SUGCT: variants seen among roughly 807,000 people sequenced by gnomAD.
The protein encoded by SUGCT is succinyl-CoA:glutarate-CoA transferase, also known as succinyl-CoA:glutarate CoA-transferase.
A neutral mutation model predicts 55.0 loss-of-function variants in SUGCT; 41 were observed. The ratio of observed to expected loss-of-function variants is 0.74; its 90% CI spans 0.58 to 0.97. The LOEUF is 0.97. SUGCT is among the 50% of genes least tolerant of loss of function. The pLI is 0.00. For missense variants in SUGCT, 568 were observed against 547.8 expected, an observed-to-expected ratio of 1.04 and a Z score of -0.37; for synonymous variants, 187 against 200.4, an observed-to-expected ratio of 0.93 and a Z score of 0.56.
At chr7:40,151,233 C>T (rs1325918463) in intron 1 of SUGCT, among the ~76,000 whole-genome samples, 2 of 152,104 alleles carry the variant, frequency 1.3e-5, no homozygotes, top group African/African-American at 2.4e-5. Context: ...AGTGAGACTC[C>T]GTCTCTAAAA....
intron 9 of SUGCT, among the ~76,000 whole-genome samples, chr7:40,328,265 T>G (rs1221936761): frequency 6.6e-6 from 1 of 152,206 alleles, no homozygotes; most frequent in Non-Finnish European, 1.5e-5. Flanking sequence ...TTTGAATAAA[T>G]CCTTTGGTCG....
At chr7:40,902,765 T>C in the SUGCT span, among the ~76,000 whole-genome samples, 2 of 152,158 alleles carry the variant, frequency 1.3e-5, no homozygotes, top group African/African-American at 4.8e-5. Context: ...TCTGTAAGTC[T>C]AAGCCAGGAC....
intron 12 of SUGCT, among the ~76,000 whole-genome samples, chr7:40,616,392 T>C (rs1363498289): frequency 6.6e-6 from 1 of 151,970 alleles, no homozygotes; most frequent in African/African-American, 2.4e-5. Context: ...GACGGGGTTT[T>C]GCCATGTTGG....
intron 9 of SUGCT, among the ~76,000 whole-genome samples, chr7:40,418,868 A>G (rs1485043075): frequency 6.6e-6 from 1 of 152,210 alleles, no homozygotes; most frequent in Non-Finnish European, 1.5e-5. Flanking sequence ...TAGTGAAAAT[A>G]AGTAAAAATG....
At chr7:40,385,179 C>A (rs1412801192) in intron 9 of SUGCT, among the ~76,000 whole-genome samples, 2 of 152,022 alleles carry the variant, frequency 1.3e-5, no homozygotes, top group Admixed American at 1.3e-4. Flanking sequence ...CATATGAATT[C>A]TAAAATTAAT....
chr7:40,786,442 C>T (rs7807596), intron 13 of SUGCT, among the ~76,000 whole-genome samples: 52,414 of 151,984 alleles, frequency 0.34, 9,220 homozygotes, highest in South Asian at 0.47. Context: ...ACCATAGTTA[C>T]TTGGCTTAAA....
intron 9 of SUGCT, among the ~76,000 whole-genome samples, chr7:40,331,862 C>T (rs993330055): frequency 1.6e-4 from 24 of 152,176 alleles, no homozygotes; most frequent in African/African-American, 5.5e-4. Context: ...AAATTTCCCT[C>T]ATGGTGATCA....
intron 9 of SUGCT, among the ~76,000 whole-genome samples, chr7:40,420,769 A>G (rs1787264182): frequency 6.6e-6 from 1 of 151,962 alleles, no homozygotes; most frequent in Non-Finnish European, 1.5e-5. Flanking sequence ...TGCCTGGACT[A>G]CTGTATAAGC....
At chr7:40,919,253 C>T in the SUGCT span, among the ~76,000 whole-genome samples, 43 of 152,304 alleles carry the variant, frequency 2.8e-4, no homozygotes, top group Non-Finnish European at 3.5e-4. Context: ...GCATGTCCCA[C>T]GGACACTTCA....
chr7:40,778,097 A>G (rs1194855333), intron 13 of SUGCT, among the ~76,000 whole-genome samples: 1 of 152,236 alleles, frequency 6.6e-6, no homozygotes, highest in Non-Finnish European at 1.5e-5. Flanking sequence ...GGACTGGGAC[A>G]CAGCATCTCT....
At chr7:40,366,483 C>G (rs1240266175) in intron 9 of SUGCT, among the ~76,000 whole-genome samples, 1 of 152,146 alleles carries the variant, frequency 6.6e-6, no homozygotes, top group South Asian at 2.1e-4. Context: ...AGGCAACCTA[C>G]AAAATGGGAG....
chr7:41,033,902 G>A, the SUGCT span, among the ~76,000 whole-genome samples: 9,568 of 152,072 alleles, frequency 0.063, 999 homozygotes, highest in African/African-American at 0.22. Context: ...GGGTCTTGGG[G>A]GGCCAAGTAG....
the SUGCT span, among the ~76,000 whole-genome samples, chr7:40,963,263 CTA>C: frequency 6.6e-6 from 1 of 152,002 alleles, no homozygotes; most frequent in East Asian, 1.9e-4. Context: ...CAAGTGGAGA[CTA>C]TCATCAGGCT....
At chr7:40,569,572 C>T (rs897391002) in intron 12 of SUGCT, among the ~76,000 whole-genome samples, 2 of 152,122 alleles carry the variant, frequency 1.3e-5, no homozygotes, top group Admixed American at 1.3e-4. Context: ...GTTGAATTGG[C>T]ACAGCTGGGG....
At chr7:40,135,909 G>A (rs1406656440) in intron 1 of SUGCT, among the ~76,000 whole-genome samples, 8 of 150,332 alleles carry the variant, frequency 5.3e-5, no homozygotes, top group Non-Finnish European at 1.5e-5. Context: ...CTCCCGCCTC[G>A]GCCTCCCAAA....
chr7:40,781,389 C>T (rs1789739972), intron 13 of SUGCT, among the ~76,000 whole-genome samples: 2 of 152,094 alleles, frequency 1.3e-5, no homozygotes, highest in Admixed American at 1.3e-4. Context: ...CTCAGGAAAA[C>T]TGCATTAGCC....
chr7:40,888,297 A>G, the SUGCT span, among the ~76,000 whole-genome samples: 2 of 152,280 alleles, frequency 1.3e-5, no homozygotes, highest in South Asian at 4.1e-4. Flanking sequence ...ATGCTTCTCC[A>G]TGAAGTAGAA....
chr7:40,650,323 A>C (rs1800713924), intron 12 of SUGCT, among the ~76,000 whole-genome samples: 1 of 152,172 alleles, frequency 6.6e-6, no homozygotes, highest in African/African-American at 2.4e-5. Flanking sequence ...ATCTGTGCTC[A>C]AAGGGGGGGA....
intron 12 of SUGCT, among the ~76,000 whole-genome samples, chr7:40,503,313 G>A (rs1170905643): frequency 6.6e-6 from 1 of 152,060 alleles, no homozygotes. Context: ...AGTCCTGTTA[G>A]AATATTTTTC....
Sources: allele counts gnomAD v4.1 joint callset (sites outside exome capture counted in the v4.1 genomes callset), GRCh38; gene constraint gnomAD v4.1.1; transcripts MANE v1.5; gene names NCBI Gene and HGNC (gene_info 2026-07-23, HGNC 2026-07-21).